UHRF1: variants seen among roughly 807,000 people sequenced by gnomAD.
The protein encoded by UHRF1 is E3 ubiquitin-protein ligase UHRF1.
A neutral mutation model predicts 96.5 loss-of-function variants in UHRF1; 9 were observed. The observed-to-expected ratio is 0.09, with a 90% CI of 0.06 to 0.16. The LOEUF (loss-of-function observed/expected upper bound fraction) is 0.16. Ranked by LOEUF, UHRF1 falls within the 10% of genes least tolerant of loss-of-function variation. The pLI, the probability that UHRF1 is intolerant of heterozygous loss-of-function variation, is 1.00. For missense variants in UHRF1, 626 were observed against 1,131.1 expected, an observed-to-expected ratio of 0.55 and a Z score of 6.40; for synonymous variants, 455 against 469.9, an observed-to-expected ratio of 0.97 and a Z score of 0.41.
chr19:4,946,229 C>T (rs1313322266), intron 10 of UHRF1, among the ~76,000 whole-genome samples: 2 of 152,128 alleles, frequency 1.3e-5, no homozygotes, highest in Non-Finnish European at 2.9e-5. Flanking sequence ...GTTCCTGCCT[C>T]TGTGACTCTG....
In UHRF1 at chr19:4,915,709, CA is replaced by C. The variant is rs201046048; in HGVS notation, c.153+4680del. Among the ~76,000 whole-genome samples the C allele has an allele frequency of 2.5e-4, 37 of 150,276 alleles. 1 individual carries two copies. Among genetic ancestry groups the C allele is most frequent in the African/African-American group, 6.6e-4 (27 of 40,916 alleles). ...TGGGCGACAGAGCAAGACTCCGTCT[CA>C]AAAAAAAAGCAAAACAAAAAACAAA... On this transcript the variant is annotated intron_variant, in intron 2 of 16. Transcript: ENST00000650932.
intron 1 of UHRF1, among the ~76,000 whole-genome samples, chr19:4,904,392 G>T (rs2032020331): frequency 6.6e-6 from 1 of 152,094 alleles, no homozygotes; most frequent in Non-Finnish European, 1.5e-5. Flanking sequence ...TGTTAGCCAG[G>T]ATGGTCTCAA....
intron 16 of UHRF1, among the ~76,000 whole-genome samples, chr19:4,957,529 C>G (rs185717447): frequency 6.6e-6 from 1 of 152,148 alleles, no homozygotes; most frequent in Admixed American, 6.5e-5. Flanking sequence ...AGGATGGTTT[C>G]GATCTCCTGA....
intron 5 of UHRF1, among the ~76,000 whole-genome samples, chr19:4,937,561 T>A (rs1222515092): frequency 2.6e-5 from 4 of 151,940 alleles, no homozygotes; most frequent in African/African-American, 9.7e-5. Flanking sequence ...GTGGGGTTTC[T>A]CCATGTTGGC....
In UHRF1 at chr19:4,950,847, C is replaced by G. The variant is rs17881158; in HGVS notation, c.1681-12C>G. On this transcript the variant is annotated splice_polypyrimidine_tract_variant and intron_variant, in intron 12 of 16. Coordinates refer to ENST00000650932, the MANE Select transcript of UHRF1 (RefSeq NM_001048201.3). ...CTCTGATGGAGCTGACGCTGATGCC[C>G]GCTCTCTGCAGGTTGTGAAATACTG... The G allele has an allele frequency of 3.1e-6, 5 of 1,613,918 alleles. No homozygotes were observed. In the East Asian group the frequency reaches 1.1e-4, roughly 36 times the overall value.
At chr19:4,933,336 C>T (rs2033117131) in intron 5 of UHRF1, among the ~76,000 whole-genome samples, 1 of 152,184 alleles carries the variant, frequency 6.6e-6, no homozygotes, top group African/African-American at 2.4e-5. Flanking sequence ...CTGCCTCAGC[C>T]TCCCGAGTAG....
intron 1 of UHRF1, among the ~76,000 whole-genome samples, chr19:4,904,387 G>A (rs913605197): frequency 1.3e-5 from 2 of 152,222 alleles, no homozygotes; most frequent in Non-Finnish European, 2.9e-5. Context: ...CATCATGTTA[G>A]CCAGGATGGT....
chr19:4,935,215 ACCTCAGCC>A (rs2033180347), intron 5 of UHRF1, among the ~76,000 whole-genome samples: 1 of 151,938 alleles, frequency 6.6e-6, no homozygotes, highest in African/African-American at 2.4e-5. Flanking sequence ...CGATCCACCC[ACCTCAGCC>A]CCTCAAAGTG....
intron 5 of UHRF1, 50 bp from the exon 6 acceptor site, chr19:4,941,476 GAT>G: frequency 6.8e-7 from 1 of 1,481,204 alleles, no homozygotes; most frequent in South Asian, 1.2e-5. Flanking sequence ...GCTGTGAGTA[GAT>G]TTAGGGGCCT....
Position 4,954,312 on chromosome 19 carries a change from C to A in UHRF1, c.1819-38C>A, listed in dbSNP as rs1214682877. ...GCGGGCTCTGCATAGCGTGTGGGCC[C>A]CAAGCCTGACTCACGGCTGTCCCTC... On this transcript the variant is annotated intron_variant, in intron 13 of 16. Transcript: ENST00000650932. The surrounding 1 kb of genome is among the most constrained non-coding windows in gnomAD (Gnocchi z 5.9). The A allele has an allele frequency of 6.2e-7, 1 of 1,603,454 alleles. No homozygotes were observed. The highest frequency in any genetic ancestry group is 2.2e-5 in the East Asian group (1 of 44,560).
At chr19:4,959,886 A>G (rs1360639368) in intron 16 of UHRF1, among the ~76,000 whole-genome samples, 1 of 149,964 alleles carries the variant, frequency 6.7e-6, no homozygotes, top group African/African-American at 2.5e-5. Flanking sequence ...TGAGACGCAG[A>G]GTCTTGCCCT....
chr19:4,941,198 C>A (rs952206076), intron 5 of UHRF1, among the ~76,000 whole-genome samples: 1 of 141,052 alleles, frequency 7.1e-6, no homozygotes. Flanking sequence ...TCAAGTGATT[C>A]TTCTGCCTCA....
At chr19:4,951,471 G>A (rs1464508335) in intron 13 of UHRF1, among the ~76,000 whole-genome samples, 1 of 152,050 alleles carries the variant, frequency 6.6e-6, no homozygotes, top group Non-Finnish European at 1.5e-5. Context: ...GTTTCTCTCT[G>A]ATCCAGAATA....
At chr19:4,953,015 T>G (rs1218610769) in intron 13 of UHRF1, among the ~76,000 whole-genome samples, 1 of 152,182 alleles carries the variant, frequency 6.6e-6, no homozygotes, top group African/African-American at 2.4e-5. Flanking sequence ...AAAGTTTGCC[T>G]GCCCTCATGG....
At chr19:4,942,056 G>C (rs1229927337) in intron 7 of UHRF1, 125 bp downstream of exon 7, 1 of 1,099,154 alleles carries the variant, frequency 9.1e-7, no homozygotes, top group Admixed American at 3.7e-5. Flanking sequence ...AGTGCTTTGG[G>C]AGGCCGAGGC....
At chr19:4,921,507 C>A (rs1302536026) in intron 2 of UHRF1, among the ~76,000 whole-genome samples, 1 of 152,070 alleles carries the variant, frequency 6.6e-6, no homozygotes, top group African/African-American at 2.4e-5. Context: ...GTAATCCCAG[C>A]ACTTTGGGAG....
chr19:4,959,379 T>C (rs2033934766), intron 16 of UHRF1, among the ~76,000 whole-genome samples: 1 of 152,126 alleles, frequency 6.6e-6, no homozygotes, highest in South Asian at 2.1e-4. Flanking sequence ...GGCAGGTGAC[T>C]GTGCTGTGGT....
intron 2 of UHRF1, among the ~76,000 whole-genome samples, chr19:4,921,440 A>G (rs970075105): frequency 4.0e-5 from 6 of 148,962 alleles, no homozygotes; most frequent in African/African-American, 1.5e-4. Context: ...ACTCCGTTTC[A>G]AAAAACAAAC....
intron 13 of UHRF1, among the ~76,000 whole-genome samples, chr19:4,951,831 C>T (rs1317813343): frequency 1.3e-5 from 2 of 152,178 alleles, no homozygotes; most frequent in African/African-American, 2.4e-5. Context: ...CTGCCGAGAA[C>T]TTACTCAACA....
Sources: gnomAD v4.1 joint callset for allele counts (sites outside exome capture counted in the v4.1 genomes callset) on GRCh38, gnomAD v4.1.1 for gene constraint, Gnocchi (gnomAD v3.1) non-coding constraint, MANE v1.5 for transcripts, NCBI Gene and HGNC (gene_info 2026-07-23, HGNC 2026-07-21) for gene names.